The following MAGI2 variants were observed in gnomAD, a reference collection of about 807,000 sequenced individuals.
The protein encoded by MAGI2 is membrane-associated guanylate kinase, WW and PDZ domain-containing protein 2.
A neutral mutation model predicts 133.3 loss-of-function variants in MAGI2; 35 were observed. The observed-to-expected ratio is 0.26, with a 90% confidence interval of 0.20 to 0.35. The LOEUF is 0.35. Among genes scored for constraint, MAGI2 ranks in the 10% least tolerant of loss-of-function variants. MAGI2 has a pLI of 1.00. For missense variants in MAGI2, 1,636 were observed against 1,863.4 expected (o/e 0.88, Z 2.25); for synonymous variants, 729 against 710.6 (o/e 1.03, Z -0.41).
At chr7:78,592,184 A>G (rs1804075801) in intron 3 of MAGI2, among the ~76,000 whole-genome samples, 1 of 152,240 alleles carries the variant, frequency 6.6e-6, no homozygotes, top group Non-Finnish European at 1.5e-5. Context: ...TGCTAAAAGC[A>G]CATCTTCAAA....
chr7:78,202,453 C>A (rs182398048), intron 10 of MAGI2, among the ~76,000 whole-genome samples: 2 of 151,886 alleles, frequency 1.3e-5, no homozygotes, highest in Admixed American at 6.6e-5. Flanking sequence ...GAGGCCGAGG[C>A]GGGCGGATTA....
At chr7:78,720,250 C>T (rs184647518) in intron 2 of MAGI2, among the ~76,000 whole-genome samples, 165 of 152,076 alleles carry the variant, frequency 1.1e-3, no homozygotes, top group African/African-American at 3.8e-3. Context: ...TTGTTTTTCC[C>T]CTAAGCTATA....
chr7:78,556,811 G>T (rs1318058958), intron 3 of MAGI2, among the ~76,000 whole-genome samples: 1 of 152,030 alleles, frequency 6.6e-6, no homozygotes, highest in African/African-American at 2.4e-5. Flanking sequence ...GTTTGCCGCC[G>T]GGCATGGTGG....
chr7:78,921,974 AC>A (rs1391107715), intron 2 of MAGI2, among the ~76,000 whole-genome samples: 2 of 151,944 alleles, frequency 1.3e-5, no homozygotes, highest in Non-Finnish European at 2.9e-5. Flanking sequence ...CAGAGCCATC[AC>A]CTTTAACTAC....
chr7:78,506,486 T>C (rs1049844394), intron 4 of MAGI2, among the ~76,000 whole-genome samples: 2 of 152,130 alleles, frequency 1.3e-5, no homozygotes, highest in African/African-American at 4.8e-5. Flanking sequence ...GAAACAAGAA[T>C]CTGGAGCAGC....
chr7:79,411,692 A>T (rs1386153428), intron 1 of MAGI2: 1 of 152,128 alleles, frequency 6.6e-6, no homozygotes. Context: ...CAGCATTACA[A>T]AGTTAACACA....
chr7:78,125,840 TTG>T lies in MAGI2; in HGVS notation c.3424-5_3424-4del, dbSNP rs1177085054. ...TCCACAGTGAAATAATCAAAATCCT[TTG>T]GGGTTGGGGAGAAAATGGAATAAAT... On this transcript the variant is annotated splice_polypyrimidine_tract_variant and splice_region_variant and intron_variant, in intron 19 of 21. Transcript: ENST00000354212. 1.2e-6 allele frequency: 2 copies of T among 1,613,642 alleles called. No homozygotes were observed. Among genetic ancestry groups the T allele is most frequent in the South Asian group, 2.2e-5 (2 of 90,948 alleles).
At chr7:78,262,196 C>A (rs947334173) in intron 9 of MAGI2, among the ~76,000 whole-genome samples, 1 of 151,910 alleles carries the variant, frequency 6.6e-6, no homozygotes, top group African/African-American at 2.4e-5. Flanking sequence ...TTATATATAC[C>A]CATCAAATTA....
intron 3 of MAGI2, among the ~76,000 whole-genome samples, chr7:78,607,197 A>G (rs985048218): frequency 2.0e-5 from 3 of 152,156 alleles, no homozygotes; most frequent in Admixed American, 1.3e-4. Context: ...GAGAGGGGGC[A>G]TCTTCTGCAG....
chr7:78,442,766 G>T lies in MAGI2; in HGVS notation c.1045+46995C>A, dbSNP rs560049140. ...TATTTTGGAAAAAATCCAAATGGGGGCTATTTAGCATAACTGAGCATTAAA... is the reference window on the plus strand; with the variant it reads ...TATTTTGGAAAAAATCCAAATGGGGTCTATTTAGCATAACTGAGCATTAAA... On this transcript the variant is annotated intron_variant, in intron 6 of 21. Coordinates refer to ENST00000354212, the MANE Select transcript of MAGI2 (RefSeq NM_012301.4). 2.0e-5 allele frequency among the ~76,000 whole-genome samples: 3 copies of T among 152,184 alleles called. No individual in the cohort carries two copies. The East Asian group carries it at 5.8e-4, about 29-fold the overall frequency.
chr7:78,854,489 T>C (rs1166654920), intron 2 of MAGI2, among the ~76,000 whole-genome samples: 2 of 152,160 alleles, frequency 1.3e-5, no homozygotes, highest in Non-Finnish European at 2.9e-5. Flanking sequence ...AAACGTTCTT[T>C]GGATCTATAG....
At chr7:78,496,745 G>A (rs767583855) in intron 5 of MAGI2, among the ~76,000 whole-genome samples, 22 of 152,150 alleles carry the variant, frequency 1.4e-4, no homozygotes, top group Non-Finnish European at 2.8e-4. Context: ...ACTTTATAGG[G>A]TGGTGATGAT....
chr7:79,073,433 T>C (rs1224502224), intron 1 of MAGI2, among the ~76,000 whole-genome samples: 1 of 152,198 alleles, frequency 6.6e-6, no homozygotes, highest in Non-Finnish European at 1.5e-5. Context: ...TAATTTTTAT[T>C]CTCAAAATCA....
intron 2 of MAGI2, among the ~76,000 whole-genome samples, chr7:78,793,217 A>G (rs1441857962): frequency 6.6e-6 from 1 of 152,214 alleles, no homozygotes; most frequent in African/African-American, 2.4e-5. Context: ...AGAGACTCCA[A>G]CTGATGTTTG....
intron 1 of MAGI2, among the ~76,000 whole-genome samples, chr7:79,234,553 A>G (rs1831699390): frequency 6.6e-6 from 1 of 151,676 alleles, no homozygotes; most frequent in Non-Finnish European, 1.5e-5. Flanking sequence ...TTCATCTTCC[A>G]TTGCTGACAC....
intron 18 of MAGI2, among the ~76,000 whole-genome samples, chr7:78,128,469 G>T (rs759274025): frequency 3.9e-5 from 6 of 152,054 alleles, no homozygotes; most frequent in Admixed American, 1.3e-4. Flanking sequence ...TAATTGGAGG[G>T]TATGAGGAAT....
At chr7:79,143,992 A>C (rs552581097) in intron 1 of MAGI2, among the ~76,000 whole-genome samples, 1 of 152,294 alleles carries the variant, frequency 6.6e-6, no homozygotes, top group South Asian at 2.1e-4. Context: ...ACCTAAAAAT[A>C]ACAAAATTAG....
intron 1 of MAGI2, among the ~76,000 whole-genome samples, chr7:79,424,871 T>C: frequency 6.6e-6 from 1 of 152,280 alleles, no homozygotes; most frequent in Non-Finnish European, 1.5e-5. Flanking sequence ...ATTATACCTG[T>C]ATATTTATTT....
intron 1 of MAGI2, among the ~76,000 whole-genome samples, chr7:79,449,897 T>TATATATAA (rs1491494586): frequency 4.5e-5 from 6 of 132,332 alleles, no homozygotes; most frequent in East Asian, 2.5e-4. Flanking sequence ...TATATATATA[T>TATATATAA]AATGTCTTAA....
Sources: gnomAD v4.1 joint callset for allele counts (sites outside exome capture counted in the v4.1 genomes callset) on GRCh38, gnomAD v4.1.1 for gene constraint, MANE v1.5 for transcripts, NCBI Gene and HGNC (gene_info 2026-07-23, HGNC 2026-07-21) for gene names.